Variants in NRG3 observed in about 807,000 individuals in gnomAD.
NRG3 encodes neuregulin 3, also known as pro-neuregulin-3, membrane-bound isoform.
In NRG3, 31 loss-of-function variants were observed where a neutral mutation model predicts 66.9. The ratio of observed to expected loss-of-function variants is 0.46; its 90% confidence interval spans 0.35 to 0.63. The LOEUF is 0.63. Ranked by LOEUF, NRG3 falls within the 20% of genes least tolerant of loss-of-function variation. The pLI, the probability that NRG3 is intolerant of heterozygous loss-of-function variation, is 0.00. For missense variants in NRG3, 910 were observed against 878.9 expected, an observed-to-expected ratio of 1.04 and a Z score of -0.45; for synonymous variants, 393 against 359.4, an observed-to-expected ratio of 1.09 and a Z score of -1.06.
intron 4 of NRG3, among the ~76,000 whole-genome samples, chr10:82,888,754 G>C (rs1158632231): frequency 2.0e-5 from 3 of 151,910 alleles, no homozygotes; most frequent in Non-Finnish European, 4.4e-5. Flanking sequence ...TCTTAAGAAA[G>C]AAAAAATAAA....
At chr10:82,964,808 A>G (rs1222904552) in intron 6 of NRG3, among the ~76,000 whole-genome samples, 1 of 152,174 alleles carries the variant, frequency 6.6e-6, no homozygotes, top group Admixed American at 6.5e-5. Flanking sequence ...CAGCACTGTC[A>G]ACATTGCTGT....
intron 3 of NRG3, among the ~76,000 whole-genome samples, chr10:82,818,994 G>T (rs965679601): frequency 5.3e-5 from 8 of 152,066 alleles, no homozygotes; most frequent in Non-Finnish European, 8.8e-5. Flanking sequence ...ACTTTGAAAA[G>T]AAAAAAATTT....
intron 2 of NRG3, among the ~76,000 whole-genome samples, chr10:82,455,655 C>T (rs2091234165): frequency 6.6e-6 from 1 of 151,020 alleles, no homozygotes; most frequent in Non-Finnish European, 1.5e-5. Context: ...CACTCTGTCG[C>T]CCAGGCTGGA....
chr10:82,232,941 A>T (rs2076559511), intron 1 of NRG3: 1 of 670,230 alleles, frequency 1.5e-6, no homozygotes, highest in Non-Finnish European at 2.8e-6. Context: ...AGTGTTCTCT[A>T]GTTGCCTGGT....
chr10:82,390,204 C>G (rs955463436), intron 2 of NRG3, among the ~76,000 whole-genome samples: 7 of 152,106 alleles, frequency 4.6e-5, no homozygotes, highest in African/African-American at 1.7e-4. Flanking sequence ...CTCAGTGATC[C>G]ATTTTCAAAA....
At chr10:82,180,277 A>C (rs2073325103) in intron 1 of NRG3, among the ~76,000 whole-genome samples, 1 of 151,898 alleles carries the variant, frequency 6.6e-6, no homozygotes, top group African/African-American at 2.4e-5. Context: ...CTTCAGTACA[A>C]TATTGAATAG....
intron 2 of NRG3, among the ~76,000 whole-genome samples, chr10:82,439,394 A>C (rs1173352873): frequency 6.6e-6 from 1 of 152,046 alleles, no homozygotes; most frequent in South Asian, 2.1e-4. Context: ...ATGACCTTCA[A>C]CTATTTTATT....
At chr10:82,405,405 A>T (rs2087432954) in intron 2 of NRG3, among the ~76,000 whole-genome samples, 1 of 151,584 alleles carries the variant, frequency 6.6e-6, no homozygotes, top group East Asian at 1.9e-4. Context: ...ATGGCATGAC[A>T]GAGATTGTTC....
intron 1 of NRG3, among the ~76,000 whole-genome samples, chr10:82,116,566 T>G (rs2132306673): frequency 6.6e-6 from 1 of 152,298 alleles, no homozygotes; most frequent in South Asian, 2.1e-4. Context: ...ATAAGTGCAT[T>G]TTAAAATAAC....
At chr10:82,359,852 G>A (rs528802454) in intron 2 of NRG3, among the ~76,000 whole-genome samples, 1 of 152,258 alleles carries the variant, frequency 6.6e-6, no homozygotes, top group South Asian at 2.1e-4. Flanking sequence ...CACTAAGATG[G>A]TGTAGAGAAA....
chr10:82,572,538 T>C (rs1018476646), intron 2 of NRG3, among the ~76,000 whole-genome samples: 1 of 151,760 alleles, frequency 6.6e-6, no homozygotes. Flanking sequence ...AAACATATTT[T>C]ATATGCTTTG....
intron 1 of NRG3, among the ~76,000 whole-genome samples, chr10:82,050,662 C>T (rs768826262): frequency 1.3e-4 from 19 of 151,984 alleles, no homozygotes; most frequent in African/African-American, 3.1e-4. Flanking sequence ...GCTATGCCTT[C>T]GTAGACATTT....
chr10:81,975,595 T>C (rs768071247), intron 1 of NRG3, among the ~76,000 whole-genome samples: 1 of 152,046 alleles, frequency 6.6e-6, no homozygotes, highest in Non-Finnish European at 1.5e-5. Flanking sequence ...AGATAAACAC[T>C]GTGTGCAACT....
intron 1 of NRG3, among the ~76,000 whole-genome samples, chr10:82,169,308 G>A (rs2072367082): frequency 6.6e-6 from 1 of 151,778 alleles, no homozygotes; most frequent in Admixed American, 6.6e-5. Context: ...TTTCAAGAGT[G>A]GCTATCTTTT....
chr10:82,275,858 A>G (rs1277699256), intron 1 of NRG3, among the ~76,000 whole-genome samples: 2 of 152,024 alleles, frequency 1.3e-5, no homozygotes, highest in African/African-American at 4.8e-5. Flanking sequence ...TTAGGAGGAA[A>G]ACCTAAACAT....
chr10:82,777,109 A>G (rs924027894), intron 3 of NRG3, among the ~76,000 whole-genome samples: 2 of 152,138 alleles, frequency 1.3e-5, no homozygotes, highest in African/African-American at 4.8e-5. Context: ...TTAGGGTGTC[A>G]TTTGGACAGG....
chr10:82,905,576 A>G (rs1417697788), intron 4 of NRG3, among the ~76,000 whole-genome samples: 1 of 152,080 alleles, frequency 6.6e-6, no homozygotes, highest in East Asian at 1.9e-4. Flanking sequence ...AAGTTCTTCG[A>G]TAGTGCAAAA....
intron 3 of NRG3, among the ~76,000 whole-genome samples, chr10:82,748,650 A>G (rs1385382827): frequency 6.7e-6 from 1 of 149,764 alleles, no homozygotes; most frequent in Non-Finnish European, 1.5e-5. Context: ...TATTAAAAGA[A>G]TGACAATAAT....
At chr10:82,234,382 C>T (rs1444611972) in intron 1 of NRG3, among the ~76,000 whole-genome samples, 1 of 152,168 alleles carries the variant, frequency 6.6e-6, no homozygotes, top group Non-Finnish European at 1.5e-5. Context: ...AGCAGTTTGT[C>T]TGTTTCCTTC....
Sources: gnomAD v4.1 joint callset for allele counts (sites outside exome capture counted in the v4.1 genomes callset) on GRCh38, gnomAD v4.1.1 for gene constraint, MANE v1.5 for transcripts, NCBI Gene and HGNC (gene_info 2026-07-23, HGNC 2026-07-21) for gene names.